The following CDC42BPA variants were observed in gnomAD, a reference collection of about 807,000 sequenced individuals.
CDC42BPA encodes serine/threonine-protein kinase MRCK alpha.
Under a neutral mutation model 223.5 loss-of-function variants are expected in CDC42BPA, and 80 were observed. That is an observed-to-expected ratio of 0.36 (90% CI 0.30 to 0.43). The LOEUF (loss-of-function observed/expected upper bound fraction) is 0.43, where lower values mean the gene tolerates loss of function less well. CDC42BPA is among the 20% of genes least tolerant of loss of function. The probability of loss-of-function intolerance (pLI) is 1.00; values close to 1 mark genes in which losing one functional copy is unlikely to be tolerated. For synonymous variants in CDC42BPA, 694 were observed against 718.6 expected (o/e 0.97, Z 0.55); for missense variants, 1,743 against 2,099.9 (o/e 0.83, Z 3.32).
intron 21 of CDC42BPA, among the ~76,000 whole-genome samples, chr1:227,058,835 G>A (rs1675145424): frequency 6.7e-6 from 1 of 150,034 alleles, no homozygotes; most frequent in Non-Finnish European, 1.5e-5. Context: ...TATTTCCTCA[G>A]ATCTAGATAA....
intron 9 of CDC42BPA, among the ~76,000 whole-genome samples, chr1:227,142,136 T>C (rs1438820615): frequency 6.6e-6 from 1 of 152,168 alleles, no homozygotes; most frequent in African/African-American, 2.4e-5. Context: ...CATTTGGAAC[T>C]GTACAGGTAG....
At chr1:227,258,723 A>G (rs1683536765) in intron 1 of CDC42BPA, among the ~76,000 whole-genome samples, 1 of 151,216 alleles carries the variant, frequency 6.6e-6, no homozygotes, top group Middle Eastern at 3.4e-3. Flanking sequence ...TATACGTTCA[A>G]CTTATTCCTG....
intron 1 of CDC42BPA, among the ~76,000 whole-genome samples, chr1:227,290,470 T>G (rs1249559440): frequency 6.6e-6 from 1 of 152,218 alleles, no homozygotes; most frequent in East Asian, 1.9e-4. Context: ...GAATTGACTT[T>G]AAATCTTCTC....
At chr1:227,032,945 G>A (rs887025472) in intron 27 of CDC42BPA, among the ~76,000 whole-genome samples, 3 of 152,240 alleles carry the variant, frequency 2.0e-5, no homozygotes, top group Admixed American at 6.5e-5. Context: ...AAGCTACTAA[G>A]TTTTGGAATG....
chr1:227,293,542 T>C (rs1690073903), intron 1 of CDC42BPA, among the ~76,000 whole-genome samples: 3 of 151,070 alleles, frequency 2.0e-5, no homozygotes, highest in Admixed American at 2.0e-4. Flanking sequence ...AAAAGATCTA[T>C]TGCTGGGTGC....
chr1:227,039,342 A>G (rs1202053335), intron 24 of CDC42BPA, among the ~76,000 whole-genome samples: 2 of 152,024 alleles, frequency 1.3e-5, no homozygotes, highest in Admixed American at 1.3e-4. Context: ...TATATTGTTT[A>G]TTTTTATTTT....
intron 1 of CDC42BPA, among the ~76,000 whole-genome samples, chr1:227,289,625 C>G (rs551292157): frequency 5.3e-5 from 8 of 152,278 alleles, no homozygotes; most frequent in African/African-American, 1.9e-4. Flanking sequence ...GTCTCGTTCA[C>G]TGTTGTATCT....
intron 14 of CDC42BPA, among the ~76,000 whole-genome samples, chr1:227,102,656 T>C (rs1433906842): frequency 6.6e-6 from 1 of 152,110 alleles, no homozygotes; most frequent in Non-Finnish European, 1.5e-5. Context: ...TGCATATCAC[T>C]TATTGATAAG....
intron 19 of CDC42BPA, among the ~76,000 whole-genome samples, chr1:227,073,015 C>T (rs1163473146): frequency 6.6e-6 from 1 of 152,044 alleles, no homozygotes; most frequent in Admixed American, 6.6e-5. Context: ...TATAATCCAA[C>T]AGAAGTATCA....
chr1:227,218,279 G>A (rs895154979), intron 2 of CDC42BPA, among the ~76,000 whole-genome samples: 1 of 152,114 alleles, frequency 6.6e-6, no homozygotes, highest in Non-Finnish European at 1.5e-5. Context: ...TCTCTTAACA[G>A]GCATCGAAGT....
At chr1:227,219,771 A>G (rs1675509984) in intron 2 of CDC42BPA, among the ~76,000 whole-genome samples, 1 of 152,158 alleles carries the variant, frequency 6.6e-6, no homozygotes, top group Non-Finnish European at 1.5e-5. Flanking sequence ...CTACTAGTTC[A>G]TAAACACTAC....
intron 2 of CDC42BPA, among the ~76,000 whole-genome samples, chr1:227,253,470 C>G (rs1169739811): frequency 1.3e-5 from 2 of 152,130 alleles, no homozygotes; most frequent in Non-Finnish European, 2.9e-5. Flanking sequence ...ATGGCGGACG[C>G]CTGTAATCCC....
chr1:227,169,988 C>A (rs1448885698), intron 5 of CDC42BPA, among the ~76,000 whole-genome samples: 1 of 152,030 alleles, frequency 6.6e-6, no homozygotes, highest in African/African-American at 2.4e-5. Context: ...TACAGAAAAC[C>A]ATATTTTTCA....
intron 11 of CDC42BPA, among the ~76,000 whole-genome samples, chr1:227,128,814 A>C (rs1656373824): frequency 6.6e-6 from 1 of 152,200 alleles, no homozygotes; most frequent in East Asian, 1.9e-4. Context: ...CTTCCAAAAA[A>C]GCCATCCTTG....
At chr1:227,188,318 G>A (rs981034334) in intron 5 of CDC42BPA, among the ~76,000 whole-genome samples, 2 of 152,088 alleles carry the variant, frequency 1.3e-5, no homozygotes, top group East Asian at 1.9e-4. Context: ...AAAGTGGGCT[G>A]AGATTAGTTG....
Position 227,294,784 on chromosome 1 carries a change from C to T in CDC42BPA, c.178+22221G>A, listed in dbSNP as rs1322936937. 4.6e-5 allele frequency among the ~76,000 whole-genome samples: 3 copies of T among 64,792 alleles called. 1 individual carries two copies. The highest frequency in any genetic ancestry group is 6.5e-5 in the African/African-American group (1 of 15,302). The allele number at this position is 64,792 out of a possible 152,430, so 42.5% of individuals were successfully genotyped here. On this transcript the variant is annotated intron_variant, in intron 1 of 36. Coordinates refer to ENST00000366766, the MANE Select transcript of CDC42BPA (RefSeq NM_001394014.1). ...CTGAGGCAGGAGAATGGCGTGAACC[C>T]GGGAGGCGGAGCTTGCAGTGAGCCG...
Position 227,101,171 on chromosome 1 carries a change from CTTTAG to C in CDC42BPA, c.2065_2069del (p.Leu689AspfsTer2), listed in dbSNP as rs1211915118. Reference sequence around the variant, plus strand: ...AGATACTTTTCTTTTCCAAATCAGTCTTTAGTTTGGTTATCTCTTGCTGATGTTCT... The same window carrying C: ...AGATACTTTTCTTTTCCAAATCAGTCTTTGGTTATCTCTTGCTGATGTTCT... On this transcript the variant is annotated frameshift_variant, in exon 15 of 37. Coordinates refer to ENST00000366766, the MANE Select transcript of CDC42BPA (RefSeq NM_001394014.1). LOFTEE classifies it high-confidence loss of function. 3.8e-6 allele frequency: 6 copies of C among 1,595,002 alleles called. No individual in the cohort carries two copies. In the Admixed American group the frequency reaches 6.7e-5, roughly 18 times the overall value.
At position 227,145,415 on chromosome 1, in the gene CDC42BPA, A is replaced by G. The variant is rs984119000; in HGVS notation, c.1143+74T>C. 6.5e-6 allele frequency: 9 copies of G among 1,375,042 alleles called. No homozygotes were observed. The African/African-American group carries it at 1.3e-4, about 20-fold the overall frequency. The allele number at this position is 1,375,042 out of a possible 1,614,324, so 85.2% of individuals were successfully genotyped here. On this transcript the variant is annotated intron_variant, in intron 8 of 36. Transcript: ENST00000366766. ...AAAATCATCCTAGCAAAATACTTAT[A>G]AACCAAAAAATTACTATATAACCAT... is the stretch of plus-strand genomic sequence containing the variant.
At chr1:226,999,602 T>C (rs1467011237) in intron 35 of CDC42BPA, among the ~76,000 whole-genome samples, 1 of 152,198 alleles carries the variant, frequency 6.6e-6, no homozygotes, top group African/African-American at 2.4e-5. Context: ...TTATTGGGTA[T>C]ATACTCAAAG....
Sources: allele counts gnomAD v4.1 joint callset (sites outside exome capture counted in the v4.1 genomes callset), GRCh38; gene constraint gnomAD v4.1.1; transcripts MANE v1.5; gene names NCBI Gene and HGNC (gene_info 2026-07-23, HGNC 2026-07-21).